The following RASSF3 variants were observed in gnomAD, a reference collection of about 807,000 sequenced individuals.
The protein encoded by RASSF3 is Ras association domain family member 3, also known as ras association domain-containing protein 3.
Under a neutral mutation model 19.9 loss-of-function variants are expected in RASSF3, and 19 were observed. The ratio of observed to expected loss-of-function variants is 0.96; its 90% CI spans 0.67 to 1.40. RASSF3 has a LOEUF of 1.40. Among genes scored for constraint, RASSF3 ranks in the 40% most tolerant of loss-of-function variants. RASSF3 has a pLI of 0.00. For missense variants in RASSF3, 306 were observed against 289.8 expected (o/e 1.06, Z -0.41); for synonymous variants, 110 against 104.2 (o/e 1.06, Z -0.34).
intron 1 of RASSF3, among the ~76,000 whole-genome samples, chr12:64,521,608 C>T (rs1868481627): frequency 1.3e-5 from 2 of 152,156 alleles, no homozygotes; most frequent in South Asian, 2.1e-4. Context: ...GAATCATTTC[C>T]ACAGGTATCA....
chr12:64,582,048 A>C (rs1264695558), intron 2 of RASSF3, among the ~76,000 whole-genome samples: 1 of 151,756 alleles, frequency 6.6e-6, no homozygotes, highest in Non-Finnish European at 1.5e-5. Flanking sequence ...TTTTAGAGAG[A>C]TGCGGTTGCC....
intron 1 of RASSF3, among the ~76,000 whole-genome samples, chr12:64,677,523 C>T (rs1872952673): frequency 6.6e-6 from 1 of 152,198 alleles, no homozygotes; most frequent in Non-Finnish European, 1.5e-5. Context: ...GACCCTTCCG[C>T]CTCAGCTTCC....
upstream of RASSF3, among the ~76,000 whole-genome samples, chr12:64,530,482 T>C (rs1868685513): frequency 6.6e-6 from 1 of 152,128 alleles, no homozygotes; most frequent in South Asian, 2.1e-4. Context: ...TTGATGGACA[T>C]TTGAGTTGTT....
At position 64,604,963 on chromosome 12, in the gene RASSF3, T is replaced by TA. The variant is rs111572745; in HGVS notation, c.294+63258_294+63259insA. Among the ~76,000 whole-genome samples, 912 of 149,116 alleles carry TA rather than the reference T, an allele frequency of 6.1e-3. 10 individuals carry two copies. The highest frequency in any genetic ancestry group is 0.021 in the African/African-American group (867 of 40,834). ...CTATCATCTTTGAGTTTGTCATATATTTTTTTTTTAATTTATTTTATTTTA... is the reference window on the plus strand; with the variant it reads ...CTATCATCTTTGAGTTTGTCATATATATTTTTTTTTAATTTATTTTATTTTA... On this transcript the variant is annotated intron_variant, in intron 2 of 5. Transcript: ENST00000637125.
At chr12:64,596,048 A>G (rs996072032) in intron 2 of RASSF3, among the ~76,000 whole-genome samples, 1 of 152,210 alleles carries the variant, frequency 6.6e-6, no homozygotes, top group Non-Finnish European at 1.5e-5. Flanking sequence ...CCCCAAACCC[A>G]GAAGGAAGGA....
intron 2 of RASSF3, among the ~76,000 whole-genome samples, chr12:64,556,435 G>A (rs1869257522): frequency 1.3e-5 from 2 of 152,120 alleles, no homozygotes; most frequent in South Asian, 4.1e-4. Context: ...TGGGATTACA[G>A]GGGTGTAATC....
rs1486967108 is a variant in RASSF3, at chr12:64,696,106, C to CCTCACTCG, written c.*1197_*1198insACTCGCTC. ...CTTTTCCTCCCTCCCTCCCTCCCTCCCTCCCTCCCTCCCTCCTTCCCTCCC... is the reference window on the plus strand; with the variant it reads ...CTTTTCCTCCCTCCCTCCCTCCCTCCCTCACTCGCTCCCTCCCTCCCTCCTTCCCTCCC... On this transcript the variant is annotated 3_prime_UTR_variant, in exon 5 of 5. Transcript: ENST00000542104. 1 of 124,600 alleles carries CCTCACTCG rather than the reference C, an allele frequency of 8.0e-6. No homozygotes were observed. Among genetic ancestry groups the CCTCACTCG allele is most frequent in the Non-Finnish European group, 1.7e-5 (1 of 59,164 alleles). The allele number at this position is 124,600 out of a possible 1,614,324, so 7.7% of individuals were successfully genotyped here. A position where few individuals can be genotyped will look rare whatever the true frequency, so the allele number is the denominator to read the frequency against.
upstream of RASSF3, among the ~76,000 whole-genome samples, chr12:64,608,971 T>C (rs1390803778): frequency 6.6e-6 from 1 of 152,216 alleles, no homozygotes; most frequent in African/African-American, 2.4e-5. Flanking sequence ...AAATGGGCTG[T>C]AACTCAAAGG....
At chr12:64,641,030 C>T (rs1476591028) in intron 1 of RASSF3, among the ~76,000 whole-genome samples, 1 of 151,926 alleles carries the variant, frequency 6.6e-6, no homozygotes, top group Admixed American at 6.6e-5. Flanking sequence ...AGTCTTATTT[C>T]ATGACATTAA....
At chr12:64,628,019 T>C (rs564770854) in intron 1 of RASSF3, among the ~76,000 whole-genome samples, 91 of 152,294 alleles carry the variant, frequency 6.0e-4, no homozygotes, top group African/African-American at 2.1e-3. Flanking sequence ...TTAGGTCATA[T>C]CTGCTTGGAT....
chr12:64,541,940 T>C (rs1868940620), downstream of RASSF3, among the ~76,000 whole-genome samples: 1 of 152,176 alleles, frequency 6.6e-6, no homozygotes, highest in African/African-American at 2.4e-5. Flanking sequence ...ATCCAACAGA[T>C]TTGTCATAAG....
intron 2 of RASSF3, among the ~76,000 whole-genome samples, chr12:64,567,715 G>C (rs986188557): frequency 7.9e-5 from 12 of 152,228 alleles, no homozygotes; most frequent in African/African-American, 2.9e-4. Flanking sequence ...CTAACGTCCT[G>C]TTCCCTGATA....
At chr12:64,667,716 C>T (rs988878121) in intron 1 of RASSF3, among the ~76,000 whole-genome samples, 4 of 152,128 alleles carry the variant, frequency 2.6e-5, no homozygotes, top group Admixed American at 2.6e-4. Flanking sequence ...CAAAATTTAC[C>T]TTTATGCTGA....
chr12:64,596,739 A>AT (rs543733869), intron 2 of RASSF3, among the ~76,000 whole-genome samples: 24 of 151,956 alleles, frequency 1.6e-4, no homozygotes, highest in African/African-American at 5.3e-4. Context: ...ATATATATAT[A>AT]TTTTTTTGAG....
At chr12:64,575,896 T>C (rs1315715042) in intron 2 of RASSF3, among the ~76,000 whole-genome samples, 5 of 151,812 alleles carry the variant, frequency 3.3e-5, no homozygotes, top group African/African-American at 1.2e-4. Context: ...TTTTTTTTTT[T>C]TTTTCTTTTT....
Position 64,559,093 on chromosome 12 carries a change from A to G in RASSF3, c.294+17388A>G, listed in dbSNP as rs1004732436. Among the ~76,000 whole-genome samples the G allele has an allele frequency of 2.8e-4, 43 of 152,252 alleles. 1 individual carries two copies. The highest frequency in any genetic ancestry group is 2.3e-3 in the Admixed American group (35 of 15,278). On this transcript the variant is annotated intron_variant, in intron 2 of 5. Transcript: ENST00000637125. ...TATTCCCATGGATATTAATGAGTCCAGCTCTGCTACTGTCACTTCTGCCAT... is the reference window on the plus strand; with the variant it reads ...TATTCCCATGGATATTAATGAGTCCGGCTCTGCTACTGTCACTTCTGCCAT...
At chr12:64,653,804 TC>T (rs1326739008) in intron 1 of RASSF3, among the ~76,000 whole-genome samples, 2 of 152,178 alleles carry the variant, frequency 1.3e-5, no homozygotes. Context: ...TGCCTTGGCC[TC>T]CCAAAGTGCT....
intron 1 of RASSF3, among the ~76,000 whole-genome samples, chr12:64,522,684 G>A (rs879406039): frequency 2.0e-5 from 3 of 151,658 alleles, no homozygotes; most frequent in Admixed American, 1.3e-4. Flanking sequence ...GAGTCTCAAC[G>A]CAAGAAATAA....
chr12:64,605,194 C>T (rs1302020600), intron 2 of RASSF3, among the ~76,000 whole-genome samples: 1 of 151,472 alleles, frequency 6.6e-6, no homozygotes, highest in Non-Finnish European at 1.5e-5. Flanking sequence ...CCATGTTGGC[C>T]GGGCTGGTCT....
Sources: allele counts gnomAD v4.1 joint callset (sites outside exome capture counted in the v4.1 genomes callset), GRCh38; gene constraint gnomAD v4.1.1; transcripts MANE v1.5; gene names NCBI Gene and HGNC (gene_info 2026-07-23, HGNC 2026-07-21).